Variants in SYCP1 observed in about 807,000 individuals in gnomAD.
SYCP1 encodes the protein cancer/testis antigen 8.
In SYCP1, 64 loss-of-function variants were observed where a neutral mutation model predicts 153.1. That is an observed-to-expected ratio of 0.42 (90% CI 0.34 to 0.51). SYCP1 has a LOEUF of 0.51. SYCP1 is among the 20% of genes least tolerant of loss of function. The pLI is 0.06. For synonymous variants in SYCP1, 384 were observed against 341.8 expected (o/e 1.12, Z -1.36); for missense variants, 997 against 1,049.0 (o/e 0.95, Z 0.68).
At position 114,915,904 on chromosome 1, in the gene SYCP1, C is replaced by T. The variant is rs147228033; in HGVS notation, c.1718+1859C>T. On this transcript the variant is annotated intron_variant, in intron 20 of 31. Transcript: ENST00000369522. ...TCTGCAAGACAGGAAAATGAAGCTA[C>T]TGAAGCCCCTGTTGTCCCGCCTGCC... Among the ~76,000 whole-genome samples the T allele has an allele frequency of 6.8e-3, 1,033 of 152,266 alleles. 10 individuals are homozygous for T. Among genetic ancestry groups the T allele is most frequent in the African/African-American group, 0.023 (940 of 41,554 alleles).
At chr1:114,890,793 T>C (rs1666656633) in intron 15 of SYCP1, among the ~76,000 whole-genome samples, 1 of 152,208 alleles carries the variant, frequency 6.6e-6, no homozygotes, top group Non-Finnish European at 1.5e-5. Flanking sequence ...CTGGTGCTCC[T>C]TAACACCTAA....
At chr1:114,909,303 A>G (rs537234485) in intron 16 of SYCP1, among the ~76,000 whole-genome samples, 1 of 144,440 alleles carries the variant, frequency 6.9e-6, no homozygotes, top group Admixed American at 6.6e-5. Flanking sequence ...TTAGCTGCCT[A>G]TACCACACTG....
intron 27 of SYCP1, among the ~76,000 whole-genome samples, chr1:114,949,133 A>T (rs1670931873): frequency 1.3e-5 from 2 of 152,196 alleles, no homozygotes; most frequent in Admixed American, 1.3e-4. Context: ...CAGAAAATGA[A>T]ATGATGTACA....
intron 16 of SYCP1, among the ~76,000 whole-genome samples, chr1:114,897,109 C>T (rs1032487921): frequency 6.6e-6 from 1 of 152,122 alleles, no homozygotes; most frequent in African/African-American, 2.4e-5. Flanking sequence ...TACTTGGAGA[C>T]CTTTTTACCT....
chr1:114,932,816 T>C (rs1301344312), intron 23 of SYCP1, among the ~76,000 whole-genome samples: 6 of 152,196 alleles, frequency 3.9e-5, no homozygotes, highest in Admixed American at 3.9e-4. Flanking sequence ...AGTGCAGCAG[T>C]CTGAGATCGA....
intron 28 of SYCP1, among the ~76,000 whole-genome samples, chr1:114,979,264 GATA>G (rs909629702): frequency 7.3e-5 from 11 of 151,400 alleles, no homozygotes; most frequent in African/African-American, 2.7e-4. Context: ...TCTATAAAGG[GATA>G]ATAATAATAC....
intron 8 of SYCP1, among the ~76,000 whole-genome samples, chr1:114,873,551 C>T (rs1054411819): frequency 6.6e-6 from 1 of 152,194 alleles, no homozygotes; most frequent in East Asian, 1.9e-4. Flanking sequence ...GTTAGTTAGG[C>T]TCTGACAAAT....
chr1:114,959,837 A>C (rs987975683), intron 27 of SYCP1, among the ~76,000 whole-genome samples: 2 of 152,128 alleles, frequency 1.3e-5, no homozygotes, highest in African/African-American at 2.4e-5. Context: ...GAGAACATGG[A>C]AAGTTTGTCT....
chr1:114,975,810 C>G (rs987112042), intron 27 of SYCP1, among the ~76,000 whole-genome samples: 1 of 151,796 alleles, frequency 6.6e-6, no homozygotes, highest in African/African-American at 2.4e-5. Flanking sequence ...AATTTGTTTA[C>G]TATCTTGATA....
chr1:114,911,408 A>C, intron 17 of SYCP1, 71 bp from the exon 18 acceptor site: 2 of 1,223,766 alleles, frequency 1.6e-6, no homozygotes, highest in Non-Finnish European at 2.2e-6. Flanking sequence ...ACTTAATTAC[A>C]CAGTGACTAT....
chr1:114,926,610 G>A (rs375160659), intron 23 of SYCP1, 47 bp downstream of exon 23: 2 of 1,420,772 alleles, frequency 1.4e-6, no homozygotes, highest in Non-Finnish European at 1.9e-6. Flanking sequence ...ATAGATAGAT[G>A]AGAATTTAGA....
At chr1:114,935,997 T>C (rs1197256636) in intron 23 of SYCP1, among the ~76,000 whole-genome samples, 1 of 152,164 alleles carries the variant, frequency 6.6e-6, no homozygotes. Context: ...GTACCATTCC[T>C]TCTGAAACTA....
At chr1:114,974,709 C>A (rs1570898335) in intron 27 of SYCP1, among the ~76,000 whole-genome samples, 1 of 151,758 alleles carries the variant, frequency 6.6e-6, no homozygotes, top group East Asian at 1.9e-4. Flanking sequence ...TATGTGTATA[C>A]CATCTTTTCC....
At chr1:114,889,246 G>A (rs1039192953) in intron 15 of SYCP1, among the ~76,000 whole-genome samples, 64 of 152,224 alleles carry the variant, frequency 4.2e-4, no homozygotes, top group Admixed American at 1.8e-3. Flanking sequence ...GGGTCAAATG[G>A]TATTTCTAGT....
At chr1:114,993,809 C>G (rs1021030347) in intron 30 of SYCP1, among the ~76,000 whole-genome samples, 2 of 151,176 alleles carry the variant, frequency 1.3e-5, no homozygotes, top group African/African-American at 4.8e-5. Flanking sequence ...GTTGTGTAAC[C>G]ATCACCACCA....
chr1:114,922,706 C>T lies in SYCP1; in HGVS notation c.1719-743C>T, dbSNP rs539439643. Reference sequence around the variant, plus strand: ...TCCAAACTGTATCATTGCACTTCCCCGCACCCAAATCTCATGTACTTTTCA... The same window carrying T: ...TCCAAACTGTATCATTGCACTTCCCTGCACCCAAATCTCATGTACTTTTCA... On this transcript the variant is annotated intron_variant, in intron 20 of 31. Transcript: ENST00000369522. 2.2e-3 allele frequency among the ~76,000 whole-genome samples: 328 copies of T among 152,150 alleles called. 2 individuals are homozygous for T. Among genetic ancestry groups the T allele is most frequent in the African/African-American group, 7.2e-3 (298 of 41,526 alleles).
intron 6 of SYCP1, among the ~76,000 whole-genome samples, chr1:114,858,986 G>A (rs1664196829): frequency 6.6e-6 from 1 of 152,140 alleles, no homozygotes; most frequent in African/African-American, 2.4e-5. Flanking sequence ...TTATTATAAA[G>A]AGTTTCAATT....
At chr1:114,957,742 T>G (rs540854416) in intron 27 of SYCP1, among the ~76,000 whole-genome samples, 1 of 152,118 alleles carries the variant, frequency 6.6e-6, no homozygotes, top group East Asian at 1.9e-4. Context: ...AGATATAACC[T>G]CACACCTATT....
chr1:114,941,391 A>T (rs942141049), intron 23 of SYCP1, among the ~76,000 whole-genome samples: 88 of 152,064 alleles, frequency 5.8e-4, no homozygotes, highest in Middle Eastern at 3.4e-3. Flanking sequence ...TAACTATACC[A>T]TTTTTTATTC....
Sources: gnomAD v4.1 joint callset for allele counts (sites outside exome capture counted in the v4.1 genomes callset) on GRCh38, gnomAD v4.1.1 for gene constraint, MANE v1.5 for transcripts, NCBI Gene and HGNC (gene_info 2026-07-23, HGNC 2026-07-21) for gene names.